ZNF532: variants seen among roughly 807,000 people sequenced by gnomAD.
ZNF532 encodes zinc finger protein 532.
A neutral mutation model predicts 89.3 loss-of-function variants in ZNF532; 22 were observed. The observed-to-expected ratio is 0.25, with a 90% confidence interval of 0.18 to 0.35. ZNF532 has a LOEUF of 0.35. ZNF532 is among the 10% of genes least tolerant of loss of function. ZNF532 has a pLI of 1.00. For missense variants in ZNF532, 1,132 were observed against 1,643.4 expected (o/e 0.69, Z 5.38); for synonymous variants, 606 against 649.6 (o/e 0.93, Z 1.02).
rs541264519 is a variant in ZNF532 at position 58,942,845 on chromosome 18, A to G, written c.2705+3224A>G. Among the ~76,000 whole-genome samples the G allele has an allele frequency of 3.9e-5, 6 of 152,362 alleles. No homozygotes were observed. The South Asian group carries it at 1.2e-3, about 32-fold the overall frequency. On this transcript the variant is annotated intron_variant, in intron 5 of 9. Coordinates refer to ENST00000591808, the MANE Select transcript of ZNF532 (RefSeq NM_001375912.1). Reference sequence around the variant, plus strand: ...ATTTGTTTAACAGGTGGTTATACAAATAACATAAATGTATGCAAATGATTT... The same window carrying G: ...ATTTGTTTAACAGGTGGTTATACAAGTAACATAAATGTATGCAAATGATTT...
In ZNF532 at chr18:58,919,059, C is replaced by T. The variant is rs1319121402; in HGVS notation, c.772C>T (p.Pro258Ser). 1 of 1,614,060 alleles carries T rather than the reference C, an allele frequency of 6.2e-7. No homozygotes were observed. Among genetic ancestry groups the T allele is most frequent in the Non-Finnish European group, 8.5e-7 (1 of 1,180,030 alleles). ...KNDTSLPSVA[P>S]SKTKSSSKLS... ...TGACACCAGCCTCCCCAGCGTTGCG[C>T]CATCAAAGACAAAGTCGTCCTCCAA... Residue 258 changes from proline (P) to serine (S), a missense_variant, in exon 3 of 10, where the codon CCA becomes TCA. Physicochemically the swap from Pro to Ser is moderately conservative, Grantham distance 74 (BLOSUM62 -1). Transcript: ENST00000591808. The surrounding 1 kb of genome is among the most constrained non-coding windows in gnomAD (Gnocchi z 6.1).
intron 7 of ZNF532, among the ~76,000 whole-genome samples, chr18:58,966,855 C>T (rs1001109767): frequency 2.6e-5 from 4 of 151,254 alleles, no homozygotes; most frequent in African/African-American, 7.3e-5. Context: ...TAAACTCACC[C>T]GAGGTTGCTA....
chr18:58,892,982 CTTT>C (rs58108717), intron 2 of ZNF532, among the ~76,000 whole-genome samples: 6 of 135,264 alleles, frequency 4.4e-5, no homozygotes, highest in Admixed American at 7.6e-5. Flanking sequence ...TTTGTACTTT[CTTT>C]TTTTTTTTTT....
intron 2 of ZNF532, among the ~76,000 whole-genome samples, chr18:58,904,406 G>GT (rs2059793951): frequency 6.6e-6 from 1 of 151,642 alleles, no homozygotes; most frequent in Non-Finnish European, 1.5e-5. Context: ...TGTTTTGTGT[G>GT]TTTTACCATG....
intron 2 of ZNF532, among the ~76,000 whole-genome samples, chr18:58,899,018 G>A (rs937597802): frequency 3.3e-5 from 5 of 152,278 alleles, no homozygotes; most frequent in African/African-American, 1.2e-4. Context: ...GGCCGGGGCA[G>A]AGCCCCCTTT....
intron 3 of ZNF532, among the ~76,000 whole-genome samples, chr18:58,920,957 G>T (rs1440821890): frequency 6.6e-6 from 1 of 152,022 alleles, no homozygotes; most frequent in Non-Finnish European, 1.5e-5. Flanking sequence ...CAGCAGTGGC[G>T]TGTGCCTGTT....
At chr18:58,960,722 A>T (rs1395423012) in intron 7 of ZNF532, among the ~76,000 whole-genome samples, 1 of 152,184 alleles carries the variant, frequency 6.6e-6, no homozygotes, top group Non-Finnish European at 1.5e-5. Context: ...AGTGTAGTGC[A>T]GGAGGGCCTG....
chr18:58,886,795 C>T (rs2058332411), intron 2 of ZNF532, among the ~76,000 whole-genome samples: 1 of 152,148 alleles, frequency 6.6e-6, no homozygotes, highest in Non-Finnish European at 1.5e-5. Flanking sequence ...GACATGTCAT[C>T]CAGATATAGC....
At chr18:58,909,410 ACGACTCTTAAGG>A (rs2060143170) in intron 2 of ZNF532, among the ~76,000 whole-genome samples, 1 of 151,244 alleles carries the variant, frequency 6.6e-6, no homozygotes, top group South Asian at 2.1e-4. Context: ...CAATGGAAAG[ACGACTCTTAAGG>A]CAGAATTAGG....
intron 2 of ZNF532, among the ~76,000 whole-genome samples, chr18:58,906,691 A>G (rs2059956555): frequency 6.6e-6 from 1 of 152,160 alleles, no homozygotes; most frequent in South Asian, 2.1e-4. Context: ...TAATTTTGCC[A>G]TAGATTGCCC....
intron 2 of ZNF532, among the ~76,000 whole-genome samples, chr18:58,887,179 C>T (rs774708186): frequency 2.2e-4 from 33 of 152,214 alleles, no homozygotes; most frequent in Non-Finnish European, 4.7e-4. Flanking sequence ...CGTAGGGGCC[C>T]GAGGGGCCCT....
chr18:58,903,773 C>G (rs1488211959), intron 2 of ZNF532, among the ~76,000 whole-genome samples: 4 of 151,948 alleles, frequency 2.6e-5, no homozygotes, highest in Non-Finnish European at 5.9e-5. Flanking sequence ...CTAGATATCT[C>G]AAGAAAAACA....
Position 58,918,607 on chromosome 18 carries a change from C to T in ZNF532, c.320C>T (p.Ala107Val). ...SSLDSYSKDG[A>V]KSLKGDVPAS... Reference sequence around the variant, plus strand: ...CTTGACAGTTACAGTAAAGATGGAGCAAAGTCCTTGAAAGGAGATGTGCCT... The same window carrying T: ...CTTGACAGTTACAGTAAAGATGGAGTAAAGTCCTTGAAAGGAGATGTGCCT... Residue 107 changes from alanine (A) to valine (V), a missense_variant, in exon 3 of 10, where the codon GCA becomes GTA. By Grantham distance (64) the Ala-to-Val change is moderately conservative. This residue lies in a region of ZNF532 where 302 missense variants were observed against 319.8 expected (regional missense o/e 0.94). Transcript: ENST00000591808. 6.2e-7 allele frequency: 1 copy of T among 1,614,166 alleles called. No homozygotes were observed. The highest frequency in any genetic ancestry group is 8.5e-7 in the Non-Finnish European group (1 of 1,180,032).
At chr18:58,879,759 T>G (rs992793290) in intron 2 of ZNF532, among the ~76,000 whole-genome samples, 1 of 152,118 alleles carries the variant, frequency 6.6e-6, no homozygotes, top group Non-Finnish European at 1.5e-5. Context: ...TGGCCAACGA[T>G]TGTTTTTTTC....
intron 5 of ZNF532, among the ~76,000 whole-genome samples, chr18:58,945,512 C>T (rs189741643): frequency 5.9e-5 from 9 of 152,258 alleles, no homozygotes; most frequent in Admixed American, 1.3e-4. Context: ...ATGATAGCTA[C>T]GTAAATAGAT....
At chr18:58,898,374 C>G (rs2145576524) in intron 2 of ZNF532, among the ~76,000 whole-genome samples, 1 of 152,268 alleles carries the variant, frequency 6.6e-6, no homozygotes, top group Non-Finnish European at 1.5e-5. Context: ...GGCAAGAGTA[C>G]TAATGGAGAC....
At chr18:58,887,995 T>A (rs2058424809) in intron 2 of ZNF532, among the ~76,000 whole-genome samples, 1 of 152,242 alleles carries the variant, frequency 6.6e-6, no homozygotes, top group Non-Finnish European at 1.5e-5. Context: ...TCATAAATTA[T>A]TTCTAACTAC....
At chr18:58,874,632 C>G (rs1471538057) in intron 2 of ZNF532, among the ~76,000 whole-genome samples, 1 of 152,176 alleles carries the variant, frequency 6.6e-6, no homozygotes, top group East Asian at 1.9e-4. Context: ...TGAGCCACTG[C>G]GTCTGGCCTG....
chr18:58,940,923 T>TACACACACACACACACACACACACAC lies in ZNF532; in HGVS notation c.2705+1313_2705+1338dup, dbSNP rs200614911. 4.0e-3 allele frequency among the ~76,000 whole-genome samples: 469 copies of TACACACACACACACACACACACACAC among 118,534 alleles called. 5 individuals are homozygous for TACACACACACACACACACACACACAC. Among genetic ancestry groups the TACACACACACACACACACACACACAC allele is most frequent in the Middle Eastern group, 9.6e-3 (2 of 208 alleles). The allele number at this position is 118,534 out of a possible 152,430, so 77.8% of individuals were successfully genotyped here. ...GAAGATACACAGCTATGCCATATTT[T>TACACACACACACACACACACACACAC]ACACACACACACACACACACACACA... is the stretch of plus-strand genomic sequence containing the variant. On this transcript the variant is annotated intron_variant, in intron 5 of 9. Transcript: ENST00000591808.
Sources: gnomAD v4.1 joint callset for allele counts (sites outside exome capture counted in the v4.1 genomes callset) on GRCh38, gnomAD v4.1.1 for gene constraint, gnomAD v4.1.1 regional missense constraint, Gnocchi (gnomAD v3.1) non-coding constraint, MANE v1.5 for transcripts, NCBI Gene and HGNC (gene_info 2026-07-23, HGNC 2026-07-21) for gene names.